Variants in SPECC1 observed in about 807,000 individuals in gnomAD.
SPECC1 encodes sperm antigen with calponin homology and coiled-coil domains 1.
In SPECC1, 62 loss-of-function variants were observed where a neutral mutation model predicts 104.1. The observed-to-expected ratio is 0.60, with a 90% CI of 0.49 to 0.74. SPECC1 has a LOEUF of 0.74. Ranked by LOEUF, SPECC1 falls within the 30% of genes least tolerant of loss-of-function variation. The pLI, the probability that SPECC1 is intolerant of heterozygous loss-of-function variation, is 0.00. For synonymous variants in SPECC1, 513 were observed against 501.6 expected (o/e 1.02, Z -0.30); for missense variants, 1,306 against 1,310.5 (o/e 1.00, Z 0.05).
intron 1 of SPECC1, among the ~76,000 whole-genome samples, chr17:20,012,969 A>G (rs2043993360): frequency 6.6e-6 from 1 of 152,138 alleles, no homozygotes; most frequent in Non-Finnish European, 1.5e-5. Flanking sequence ...TCTTTTTATA[A>G]CTGGCTTATT....
chr17:20,271,190 C>T (rs1238199586), intron 12 of SPECC1, among the ~76,000 whole-genome samples: 1 of 152,176 alleles, frequency 6.6e-6, no homozygotes, highest in East Asian at 1.9e-4. Flanking sequence ...TCCCCAGAGT[C>T]AAGCATTTTC....
intron 3 of SPECC1, among the ~76,000 whole-genome samples, chr17:20,114,658 T>C (rs1036735127): frequency 1.3e-5 from 2 of 152,166 alleles, no homozygotes; most frequent in African/African-American, 4.8e-5. Flanking sequence ...TTCTGAATTC[T>C]ACAGACTCAT....
Position 20,065,831 on chromosome 17 carries a change from C to T in SPECC1, c.-21-30800C>T, listed in dbSNP as rs568462198. Among the ~76,000 whole-genome samples, 8 of 152,092 alleles carry T rather than the reference C, an allele frequency of 5.3e-5. No individual in the cohort carries two copies. In the East Asian group the frequency reaches 1.2e-3, roughly 22 times the overall value. On this transcript the variant is annotated intron_variant, in intron 1 of 14. Transcript: ENST00000395527. Reference sequence around the variant, plus strand: ...TTAGAGAAGGGTCCTGTCTTGGGCACGTGAAAGGACAGGAGAAGTTCAGAG... The same window carrying T: ...TTAGAGAAGGGTCCTGTCTTGGGCATGTGAAAGGACAGGAGAAGTTCAGAG...
chr17:20,146,580 G>C (rs904139162), intron 3 of SPECC1, among the ~76,000 whole-genome samples: 15 of 152,182 alleles, frequency 9.9e-5, no homozygotes, highest in African/African-American at 3.4e-4. Flanking sequence ...AAGCTCAACT[G>C]CTGGATCTTA....
chr17:20,210,911 G>A (rs961998594), intron 4 of SPECC1, among the ~76,000 whole-genome samples: 4 of 152,038 alleles, frequency 2.6e-5, no homozygotes, highest in African/African-American at 9.7e-5. Context: ...GGGTTTTCTC[G>A]GCCTGAAGAG....
intron 1 of SPECC1, among the ~76,000 whole-genome samples, chr17:20,011,121 C>G (rs1312761678): frequency 4.6e-5 from 7 of 152,116 alleles, no homozygotes; most frequent in African/African-American, 1.4e-4. Context: ...TATCTGTGTT[C>G]ATAACAAGGA....
At chr17:20,218,631 C>CT (rs1025388077) in intron 4 of SPECC1, among the ~76,000 whole-genome samples, 2 of 151,670 alleles carry the variant, frequency 1.3e-5, no homozygotes, top group African/African-American at 2.4e-5. Flanking sequence ...CTCCCTTATT[C>CT]TTTTTTTCTA....
chr17:20,297,806 T>C (rs1338041849), intron 13 of SPECC1, among the ~76,000 whole-genome samples: 6 of 152,234 alleles, frequency 3.9e-5, no homozygotes, highest in Admixed American at 6.5e-5. Context: ...AATACTGTGC[T>C]GGGTCCCGCT....
chr17:20,240,210 C>T (rs761663131), intron 7 of SPECC1, among the ~76,000 whole-genome samples: 13 of 151,246 alleles, frequency 8.6e-5, no homozygotes, highest in Middle Eastern at 3.5e-3. Context: ...AGCCACCATG[C>T]CCAGCCCTTT....
At chr17:20,092,607 A>G (rs187311607) in intron 1 of SPECC1, among the ~76,000 whole-genome samples, 2 of 152,226 alleles carry the variant, frequency 1.3e-5, no homozygotes, top group Admixed American at 6.5e-5. Context: ...CCCTGAACAC[A>G]CATTTAATTG....
At position 20,096,619 on chromosome 17, in the gene SPECC1, G is replaced by A; in HGVS notation, c.-21-12G>A. The A allele has an allele frequency of 1.3e-6, 2 of 1,583,856 alleles. No individual in the cohort carries two copies. Among genetic ancestry groups the A allele is most frequent in the Non-Finnish European group, 1.7e-6 (2 of 1,162,258 alleles). On this transcript the variant is annotated splice_polypyrimidine_tract_variant and intron_variant, in intron 1 of 14. Coordinates refer to ENST00000395527, the MANE Select transcript of SPECC1 (RefSeq NM_001243439.2). ...TGATGGAGACATGTTTTTCTTTTCT[G>A]CTCTTTTGCAGGACAGACCCACGAA...
At chr17:20,244,661 A>T (rs1000793586) in intron 7 of SPECC1, among the ~76,000 whole-genome samples, 3 of 152,250 alleles carry the variant, frequency 2.0e-5, no homozygotes, top group African/African-American at 7.2e-5. Context: ...GCTTATGAGT[A>T]GTAGCTAGAT....
chr17:20,015,910 CT>C (rs1398051417), intron 1 of SPECC1, among the ~76,000 whole-genome samples: 2 of 145,168 alleles, frequency 1.4e-5, no homozygotes, highest in East Asian at 4.5e-4. Context: ...TAAAGTTTAA[CT>C]TTTGAAATAG....
Position 20,204,694 on chromosome 17 carries a change from A to G in SPECC1, c.645A>G (p.Thr215=), listed in dbSNP as rs1159778368. Residue 215 remains threonine, a synonymous_variant, in exon 4 of 15, where the codon ACA becomes ACG. Transcript: ENST00000395527. The part of the protein sequence containing the change: ...TDALGPNVDG[T]SVSPGDTEPM... ...CTTTGGGCCCAAATGTCGATGGAAC[A>G]TCAGTCTCCCCAGGTGACACGGAAC... 8 of 1,613,826 alleles carry G rather than the reference A, an allele frequency of 5.0e-6. No individual in the cohort carries two copies. The highest frequency in any genetic ancestry group is 4.4e-5 in the South Asian group (4 of 91,060).
chr17:20,198,931 A>G (rs2036217009), intron 3 of SPECC1, among the ~76,000 whole-genome samples: 1 of 152,130 alleles, frequency 6.6e-6, no homozygotes, highest in South Asian at 2.1e-4. Context: ...CATGCTTTAA[A>G]ATGTATTCTA....
chr17:20,088,648 T>C (rs372071103), intron 1 of SPECC1, among the ~76,000 whole-genome samples: 10 of 152,272 alleles, frequency 6.6e-5, no homozygotes, highest in African/African-American at 2.4e-4. Context: ...CAAGTTTCAT[T>C]GGAAGTGCAG....
rs543538957 is a variant in SPECC1 at position 20,184,151 on chromosome 17, G to A, written c.284-20182G>A. ...AGCTGAGATTGTGCCACTGCACTCC[G>A]GCCTGGGTGACAGAGCAAGACTCCT... On this transcript the variant is annotated intron_variant, in intron 3 of 14. Coordinates refer to ENST00000395527, the MANE Select transcript of SPECC1 (RefSeq NM_001243439.2). Among the ~76,000 whole-genome samples, 21 of 147,680 alleles carry A rather than the reference G, an allele frequency of 1.4e-4. No individual in the cohort carries two copies. The East Asian group carries it at 2.6e-3, about 18-fold the overall frequency.
chr17:20,232,580 C>T (rs779441996), intron 7 of SPECC1, 175 bp downstream of exon 7: 9 of 707,152 alleles, frequency 1.3e-5, no homozygotes, highest in Non-Finnish European at 2.1e-5. Context: ...TACCCAGTCC[C>T]TGCCATGCTG....
intron 3 of SPECC1, among the ~76,000 whole-genome samples, chr17:20,124,254 G>C (rs186210030): frequency 6.6e-6 from 1 of 152,148 alleles, no homozygotes; most frequent in African/African-American, 2.4e-5. Flanking sequence ...GGGAACAGAC[G>C]GGGGGAAGCA....
Sources: gnomAD v4.1 joint callset for allele counts (sites outside exome capture counted in the v4.1 genomes callset) on GRCh38, gnomAD v4.1.1 for gene constraint, MANE v1.5 for transcripts, NCBI Gene and HGNC (gene_info 2026-07-23, HGNC 2026-07-21) for gene names.